TMEM138: variants seen among roughly 807,000 people sequenced by gnomAD.
TMEM138 encodes transmembrane protein 138.
TMEM138 carries 9 observed loss-of-function variants against 18.1 expected under a neutral mutation model. That is an observed-to-expected ratio of 0.50 (90% confidence interval 0.30 to 0.87). The LOEUF is 0.87. TMEM138 is among the 40% of genes least tolerant of loss of function. The probability of loss-of-function intolerance (pLI) is 0.06; values close to 1 mark genes in which losing one functional copy is unlikely to be tolerated. For missense variants in TMEM138, 189 were observed against 190.6 expected, an observed-to-expected ratio of 0.99 and a Z score of 0.05; for synonymous variants, 79 against 74.8, an observed-to-expected ratio of 1.06 and a Z score of -0.29.
intron 3 of TMEM138, chr11:61,367,400 CT>C (rs1858192153): frequency 6.6e-6 from 1 of 152,666 alleles, no homozygotes; most frequent in African/African-American, 2.4e-5. Flanking sequence ...CCTGAACCCC[CT>C]GTTAGGTTGT....
chr11:61,364,862 TCCAA>T (rs1276529649), intron 2 of TMEM138: 2 of 144,886 alleles, frequency 1.4e-5, no homozygotes, highest in Admixed American at 7.3e-5. Flanking sequence ...GCCACTGCAC[TCCAA>T]CCAGGTGACA....
At chr11:61,375,317 CTTTTTTTTTTT>C (rs71043758), downstream of TMEM138, among the ~76,000 whole-genome samples, 16 of 65,334 alleles carry the variant, frequency 2.4e-4, no homozygotes, top group East Asian at 2.7e-3. Context: ...TGTGAGTATT[CTTTTTTTTTTT>C]TTTTTTTTTT....
downstream of TMEM138, among the ~76,000 whole-genome samples, chr11:61,371,031 ATGAAT>A (rs1320910322): frequency 6.6e-6 from 1 of 151,962 alleles, no homozygotes; most frequent in East Asian, 1.9e-4. Context: ...TCCCAAATAA[ATGAAT>A]TTATTTTATT....
intron 2 of TMEM138, 40 bp from the exon 3 acceptor site, chr11:61,366,005 C>G (rs750542622): frequency 3.8e-6 from 6 of 1,585,276 alleles, no homozygotes; most frequent in Non-Finnish European, 5.1e-6. Flanking sequence ...TGGGTCCTCA[C>G]ACAGGCCTTC....
In TMEM138 at chr11:61,366,029, T is replaced by C. The variant is rs754852251; in HGVS notation, c.129-16T>C. On this transcript the variant is annotated splice_polypyrimidine_tract_variant and intron_variant, in intron 2 of 4. Transcript: ENST00000278826. ...ACACAGGCCTTCATTGGTTGTACTT[T>C]TTTTTATGTCTACAGCATCCAGGAT... 2 of 1,605,878 alleles carry C rather than the reference T, an allele frequency of 1.2e-6. No homozygotes were observed. The highest frequency in any genetic ancestry group is 1.7e-6 in the Non-Finnish European group (2 of 1,175,918).
intron 2 of TMEM138, chr11:61,364,742 A>G (rs1258192222): frequency 2.2e-6 from 1 of 452,080 alleles, no homozygotes; most frequent in East Asian, 4.1e-5. Flanking sequence ...AAAAATTTTT[A>G]AAATTAGCTA....
At position 61,368,825 on chromosome 11, in the gene TMEM138, G is replaced by A; in HGVS notation, c.*116G>A. ...AGCTGGACTTTCCAAGGAAGGTTCA[G>A]ACTAGCTGTGTTCAGCATTCAAGAA... On this transcript the variant is annotated 3_prime_UTR_variant, in exon 5 of 5. Transcript: ENST00000278826. 1.3e-6 allele frequency: 1 copy of A among 748,672 alleles called. No individual in the cohort carries two copies. Among genetic ancestry groups the A allele is most frequent in the Non-Finnish European group, 2.3e-6 (1 of 431,912 alleles). 46.4% of individuals were successfully genotyped at this position (748,672 alleles called of 1,614,324 possible).
In TMEM138 at chr11:61,364,486, A is replaced by G; in HGVS notation, c.96A>G (p.Gln32=). ...TCAATTCCTTCTCAGAACTGCTCCA[A>G]AAGACTCCTGTCATCCAGCTTGTGC... The part of the protein sequence containing the change: ...LFVNSFSELL[Q]KTPVIQLVLF... Residue 32 remains glutamine (Q), a synonymous_variant, in exon 2 of 5, where the codon CAA becomes CAG. Coordinates refer to ENST00000278826, the MANE Select transcript of TMEM138 (RefSeq NM_016464.5). 2 of 1,614,224 alleles carry G rather than the reference A, an allele frequency of 1.2e-6. No homozygotes were observed. Among genetic ancestry groups the G allele is most frequent in the Non-Finnish European group, 1.7e-6 (2 of 1,180,040 alleles).
chr11:61,373,629 CT>C (rs1858394141), downstream of TMEM138, among the ~76,000 whole-genome samples: 1 of 150,988 alleles, frequency 6.6e-6, no homozygotes, highest in African/African-American at 2.4e-5. Flanking sequence ...TAAATAATGT[CT>C]TTTTCAGACC....
At chr11:61,373,791 T>C (rs1858396837), downstream of TMEM138, among the ~76,000 whole-genome samples, 1 of 152,072 alleles carries the variant, frequency 6.6e-6, no homozygotes, top group Admixed American at 6.5e-5. Context: ...AATATGCTGT[T>C]GGATGTGTTC....
chr11:61,370,186 G>A (rs1020162923), downstream of TMEM138, among the ~76,000 whole-genome samples: 1 of 152,194 alleles, frequency 6.6e-6, no homozygotes, highest in East Asian at 1.9e-4. Flanking sequence ...GCTGGACAAA[G>A]CACGTGAGGG....
Position 61,366,219 on chromosome 11 carries a change from A to G in TMEM138, c.300+3A>G. 1 of 1,608,028 alleles carries G rather than the reference A, an allele frequency of 6.2e-7. No individual in the cohort carries two copies. The highest frequency in any genetic ancestry group is 8.5e-7 in the Non-Finnish European group (1 of 1,178,288). ...TCTCCCTTCATGTCTGGGTCATGGTAAGAGTGGCAGTCTGAATTCTTTTTT... is the reference window on the plus strand; with the variant it reads ...TCTCCCTTCATGTCTGGGTCATGGTGAGAGTGGCAGTCTGAATTCTTTTTT... On this transcript the variant is annotated splice_donor_region_variant and intron_variant, in intron 3 of 4. Transcript: ENST00000278826.
At chr11:61,372,424 C>T (rs1039724034), downstream of TMEM138, among the ~76,000 whole-genome samples, 1 of 150,778 alleles carries the variant, frequency 6.6e-6, no homozygotes, top group Non-Finnish European at 1.5e-5. Context: ...GCCTCAGCCT[C>T]CTGAGTTGCT....
chr11:61,371,351 C>T (rs1858338934), downstream of TMEM138, among the ~76,000 whole-genome samples: 4 of 152,052 alleles, frequency 2.6e-5, no homozygotes, highest in Admixed American at 2.6e-4. Flanking sequence ...ATTTCTGTTA[C>T]TTCACAGCCT....
At position 61,364,284 on chromosome 11, in the gene TMEM138, A is replaced by G. The variant is rs1262707084; in HGVS notation, c.-107A>G. 3 of 1,404,712 alleles carry G rather than the reference A, an allele frequency of 2.1e-6. No individual in the cohort carries two copies. Among genetic ancestry groups the G allele is most frequent in the Non-Finnish European group, 1.9e-6 (2 of 1,030,876 alleles). The allele number at this position is 1,404,712 out of a possible 1,614,324, so 87.0% of individuals were successfully genotyped here. Reference sequence around the variant, plus strand: ...CCTTAGAGCAAGGGAAACAGCTCTCATTCAAAGGAACTAGAAGCCTCTCCC... The same window carrying G: ...CCTTAGAGCAAGGGAAACAGCTCTCGTTCAAAGGAACTAGAAGCCTCTCCC... On this transcript the variant is annotated 5_prime_UTR_variant, in exon 2 of 5. Coordinates refer to ENST00000278826, the MANE Select transcript of TMEM138 (RefSeq NM_016464.5).
chr11:61,368,316 C>T, intron 4 of TMEM138: 1 of 517,048 alleles, frequency 1.9e-6, no homozygotes, highest in Admixed American at 3.0e-5. Flanking sequence ...AGCTCCGCCT[C>T]CCGGGTTCAC....
intron 3 of TMEM138, 168 bp from the exon 4 acceptor site, chr11:61,367,755 C>T (rs1027638542): frequency 4.4e-5 from 28 of 640,976 alleles, no homozygotes; most frequent in Middle Eastern, 4.5e-4. Flanking sequence ...CCCTTTGCAG[C>T]GAAAAATGGA....
At chr11:61,364,790 G>C (rs1456778996) in intron 2 of TMEM138, 1 of 267,052 alleles carries the variant, frequency 3.7e-6, no homozygotes, top group Non-Finnish European at 7.2e-6. Context: ...AGTGATTCAG[G>C]ATGCTGACGT....
At position 61,368,163 on chromosome 11, in the gene TMEM138, A is replaced by G. The variant is rs563736824; in HGVS notation, c.376+165A>G. On this transcript the variant is annotated intron_variant, in intron 4 of 4. Coordinates refer to ENST00000278826, the MANE Select transcript of TMEM138 (RefSeq NM_016464.5). ...CTGCCCCTGCCCTTGCTAGAAGACT[A>G]TGGGAAATGAGGAGGCAGGGCTGCC... 69 of 733,710 alleles carry G rather than the reference A, an allele frequency of 9.4e-5. No individual in the cohort carries two copies. In the African/African-American group the frequency reaches 1.0e-3, roughly 11 times the overall value. The allele number at this position is 733,710 out of a possible 1,614,324, so 45.4% of individuals were successfully genotyped here. A position where few individuals can be genotyped will look rare whatever the true frequency, so the allele number is the denominator to read the frequency against.
Sources: allele counts gnomAD v4.1 joint callset (sites outside exome capture counted in the v4.1 genomes callset), GRCh38; gene constraint gnomAD v4.1.1; transcripts MANE v1.5; gene names NCBI Gene and HGNC (gene_info 2026-07-23, HGNC 2026-07-21).